Variants in MDGA2 observed in about 807,000 individuals in gnomAD.
MDGA2 encodes MAM domain-containing glycosylphosphatidylinositol anchor protein 2.
A neutral mutation model predicts 117.8 loss-of-function variants in MDGA2; 40 were observed. The ratio of observed to expected loss-of-function variants is 0.34; its 90% CI spans 0.26 to 0.44. MDGA2 has a LOEUF of 0.44. Ranked by LOEUF, MDGA2 falls within the 20% of genes least tolerant of loss-of-function variation. The probability of loss-of-function intolerance (pLI) is 1.00; values close to 1 mark genes in which losing one functional copy is unlikely to be tolerated. For synonymous variants in MDGA2, 452 were observed against 439.0 expected (o/e 1.03, Z -0.37); for missense variants, 1,123 against 1,250.6 (o/e 0.90, Z 1.54).
intron 1 of MDGA2, among the ~76,000 whole-genome samples, chr14:47,335,124 C>G (rs540581112): frequency 1.3e-5 from 2 of 151,708 alleles, no homozygotes; most frequent in South Asian, 4.2e-4. Flanking sequence ...ATGCTAGCCC[C>G]TTACTCTTTA....
intron 8 of MDGA2, among the ~76,000 whole-genome samples, chr14:46,998,028 T>C (rs1887361053): frequency 6.6e-6 from 1 of 151,048 alleles, no homozygotes; most frequent in African/African-American, 2.4e-5. Context: ...AGAAAAAAAA[T>C]AAGAAACAAG....
chr14:47,388,222 G>A (rs1253072975), intron 1 of MDGA2, among the ~76,000 whole-genome samples: 1 of 152,272 alleles, frequency 6.6e-6, no homozygotes, highest in Non-Finnish European at 1.5e-5. Context: ...GGCATAAACA[G>A]TAAGAAATAA....
At chr14:46,950,806 T>C (rs1885345151) in intron 9 of MDGA2, among the ~76,000 whole-genome samples, 1 of 151,672 alleles carries the variant, frequency 6.6e-6, no homozygotes, top group Non-Finnish European at 1.5e-5. Flanking sequence ...AATAAATAAA[T>C]AAATAAGTAA....
At chr14:47,533,189 C>G (rs1485671351) in intron 1 of MDGA2, among the ~76,000 whole-genome samples, 1 of 152,130 alleles carries the variant, frequency 6.6e-6, no homozygotes, top group African/African-American at 2.4e-5. Context: ...AGAATGGTGG[C>G]AGGATGAATC....
At chr14:47,450,662 G>A (rs1471637955) in intron 1 of MDGA2, among the ~76,000 whole-genome samples, 3 of 151,980 alleles carry the variant, frequency 2.0e-5, no homozygotes, top group Non-Finnish European at 4.4e-5. Context: ...GATGCATTAG[G>A]ATCTTCAGGA....
chr14:47,579,018 G>T (rs990819467), intron 1 of MDGA2, among the ~76,000 whole-genome samples: 1 of 151,606 alleles, frequency 6.6e-6, no homozygotes, highest in Non-Finnish European at 1.5e-5. Flanking sequence ...TTGCTATTTG[G>T]GTTCAATTTT....
At chr14:47,666,984 T>C (rs746414796) in intron 1 of MDGA2, among the ~76,000 whole-genome samples, 10 of 151,774 alleles carry the variant, frequency 6.6e-5, no homozygotes, top group Non-Finnish European at 1.3e-4. Flanking sequence ...AGGAAAAAAC[T>C]CCGAACACAT....
In MDGA2 at chr14:47,213,928, G is replaced by A. The variant is rs112070786; in HGVS notation, c.595+4093C>T. Among the ~76,000 whole-genome samples the A allele has an allele frequency of 8.7e-4, 133 of 152,226 alleles. 1 individual carries two copies. Among genetic ancestry groups the A allele is most frequent in the African/African-American group, 2.7e-3 (114 of 41,538 alleles). On this transcript the variant is annotated intron_variant, in intron 3 of 16. Coordinates refer to ENST00000399232, the MANE Select transcript of MDGA2 (RefSeq NM_001113498.3). ...AGAAAGCAAGGCACCTTCTTCGCAA[G>A]TCGGCCGTGCTGAGCACAGAATGGA... is the stretch of plus-strand genomic sequence containing the variant.
intron 3 of MDGA2, among the ~76,000 whole-genome samples, chr14:47,165,335 G>A (rs1296885389): frequency 6.6e-6 from 1 of 152,142 alleles, no homozygotes; most frequent in Non-Finnish European, 1.5e-5. Context: ...TGAAGTTTCT[G>A]ATTTAAAATT....
intron 8 of MDGA2, among the ~76,000 whole-genome samples, chr14:47,029,360 A>C: frequency 6.6e-6 from 1 of 152,168 alleles, no homozygotes; most frequent in East Asian, 1.9e-4. Context: ...ATTTTCTTTC[A>C]TAATTTTTCT....
intron 1 of MDGA2, among the ~76,000 whole-genome samples, chr14:47,665,908 C>A (rs951222142): frequency 8.6e-5 from 13 of 150,548 alleles, no homozygotes; most frequent in Non-Finnish European, 1.5e-4. Context: ...CTCCATGGTG[C>A]CCAGTCCCAT....
chr14:47,119,169 G>GCCGCCCCCCCCCCCCCCCCCCCCCC (rs1881501331), intron 5 of MDGA2, among the ~76,000 whole-genome samples: 1 of 19,400 alleles, frequency 5.2e-5, no homozygotes. Context: ...TCCTGCCTCA[G>GCCGCCCCCCCCCCCCCCCCCCCCCC]CCCCGCCCCC....
At chr14:47,631,916 C>T (rs995377190) in intron 1 of MDGA2, among the ~76,000 whole-genome samples, 2 of 148,646 alleles carry the variant, frequency 1.3e-5, no homozygotes, top group Non-Finnish European at 3.0e-5. Flanking sequence ...TAAAACATTA[C>T]GAGATTTTTT....
chr14:47,037,577 A>G (rs1396943337), intron 7 of MDGA2, among the ~76,000 whole-genome samples: 4 of 152,188 alleles, frequency 2.6e-5, no homozygotes, highest in Non-Finnish European at 5.9e-5. Context: ...AATGTGAGGG[A>G]GTATACAGTA....
intron 1 of MDGA2, among the ~76,000 whole-genome samples, chr14:47,636,018 A>G (rs777890729): frequency 1.6e-4 from 24 of 152,210 alleles, no homozygotes; most frequent in Non-Finnish European, 3.1e-4. Context: ...TCTATTTTAA[A>G]ATGCTCGAGC....
intron 2 of MDGA2, among the ~76,000 whole-genome samples, chr14:47,298,150 TG>T (rs1225514492): frequency 5.9e-5 from 9 of 152,144 alleles, no homozygotes; most frequent in Admixed American, 6.5e-5. Context: ...CACAGAAAGC[TG>T]GGAGATTACG....
chr14:47,090,624 T>TC (rs1879597898), intron 6 of MDGA2, among the ~76,000 whole-genome samples: 1 of 152,138 alleles, frequency 6.6e-6, no homozygotes, highest in Admixed American at 6.6e-5. Context: ...ATTTGACCCT[T>TC]CCAGGGAGTG....
intron 8 of MDGA2, among the ~76,000 whole-genome samples, chr14:47,006,237 G>C (rs1408883268): frequency 6.6e-6 from 1 of 151,140 alleles, no homozygotes; most frequent in African/African-American, 2.4e-5. Context: ...TCTTTCAGCT[G>C]TCAAGATGCA....
At chr14:47,123,729 A>T (rs1417845559) in intron 5 of MDGA2, among the ~76,000 whole-genome samples, 2 of 152,062 alleles carry the variant, frequency 1.3e-5, no homozygotes, top group Non-Finnish European at 2.9e-5. Flanking sequence ...GCAGTGACAA[A>T]AGTCATCCAT....
Sources: gnomAD v4.1 joint callset for allele counts (sites outside exome capture counted in the v4.1 genomes callset) on GRCh38, gnomAD v4.1.1 for gene constraint, MANE v1.5 for transcripts, NCBI Gene and HGNC (gene_info 2026-07-23, HGNC 2026-07-21) for gene names.